DENND2A: variants seen among roughly 807,000 people sequenced by gnomAD.
DENND2A encodes the protein DENN domain containing 2A.
In DENND2A, 53 loss-of-function variants were observed where a neutral mutation model predicts 105.3. That is an observed-to-expected ratio of 0.50 (90% CI 0.40 to 0.63). The LOEUF (loss-of-function observed/expected upper bound fraction) is 0.63, where lower values mean the gene tolerates loss of function less well. Ranked by LOEUF, DENND2A falls within the 30% of genes least tolerant of loss-of-function variation. DENND2A has a pLI of 0.00. For missense variants in DENND2A, 1,138 were observed against 1,279.6 expected, an observed-to-expected ratio of 0.89 and a Z score of 1.69; for synonymous variants, 522 against 508.4, an observed-to-expected ratio of 1.03 and a Z score of -0.36.
intron 15 of DENND2A, among the ~76,000 whole-genome samples, chr7:140,526,611 G>A (rs867373707): frequency 4.6e-5 from 7 of 152,206 alleles, no homozygotes; most frequent in African/African-American, 1.7e-4. Flanking sequence ...GCACCCAGAC[G>A]AACTCCTGGC....
In DENND2A at chr7:140,567,290, G is replaced by C; in HGVS notation, c.1592-17C>G. On this transcript the variant is annotated splice_polypyrimidine_tract_variant and intron_variant, in intron 8 of 19. Coordinates refer to ENST00000496613, the MANE Select transcript of DENND2A (RefSeq NM_015689.5). Reference sequence around the variant, plus strand: ...GGCTGTGAGCTGGGTGAGGGAGGGAGAGAGAAAGAGAGAAAGAGAGAGAGA... The same window carrying C: ...GGCTGTGAGCTGGGTGAGGGAGGGACAGAGAAAGAGAGAAAGAGAGAGAGA... 8.6e-7 allele frequency: 1 copy of C among 1,160,900 alleles called. No homozygotes were observed. Among genetic ancestry groups the C allele is most frequent in the Non-Finnish European group, 1.2e-6 (1 of 859,920 alleles). 71.9% of individuals were successfully genotyped at this position (1,160,900 alleles called of 1,614,324 possible).
chr7:140,586,578 A>G (rs1004706299), intron 4 of DENND2A, among the ~76,000 whole-genome samples: 17 of 152,184 alleles, frequency 1.1e-4, no homozygotes, highest in Non-Finnish European at 1.9e-4. Flanking sequence ...ATAAAAAAGA[A>G]AGAAAGAAAA....
rs750538500 is a variant in DENND2A at position 140,559,766 on chromosome 7, T to G, written c.1831A>C (p.Ile611Leu). 6.2e-7 allele frequency: 1 copy of G among 1,614,178 alleles called. No individual in the cohort carries two copies. The highest frequency in any genetic ancestry group is 8.5e-7 in the Non-Finnish European group (1 of 1,180,014). ...GCATCGGGAAAACAGAACTGGGGAA[T>G]GGCCTTCAGTTGGTCCTCAGCTTCT... is the stretch of plus-strand genomic sequence containing the variant. ...MREAEDQLKA[I>L]PQFCFPDAKD... Residue 611 changes from isoleucine (I) to leucine (L), a missense_variant, in exon 10 of 20, where the codon ATT becomes CTT. By Grantham distance (5) the Ile-to-Leu change is conservative (BLOSUM62 2). Coordinates refer to ENST00000496613, the MANE Select transcript of DENND2A (RefSeq NM_015689.5). The surrounding 1 kb of genome is among the most constrained non-coding windows in gnomAD (Gnocchi z 4.1).
chr7:140,519,300 A>T (rs1795768791), intron 19 of DENND2A, among the ~76,000 whole-genome samples: 1 of 152,148 alleles, frequency 6.6e-6, no homozygotes, highest in Non-Finnish European at 1.5e-5. Flanking sequence ...CACCAGTGCG[A>T]GTCTTTCTTG....
At chr7:140,593,344 A>G (rs908945375) in intron 3 of DENND2A, among the ~76,000 whole-genome samples, 1 of 152,186 alleles carries the variant, frequency 6.6e-6, no homozygotes, top group African/African-American at 2.4e-5. Context: ...AGGTCCTCAA[A>G]TGATCGTTTG....
chr7:140,566,864 C>T lies in DENND2A; in HGVS notation c.1779+222G>A, dbSNP rs6951766. On this transcript the variant is annotated intron_variant, in intron 9 of 19. Coordinates refer to ENST00000496613, the MANE Select transcript of DENND2A (RefSeq NM_015689.5). Reference sequence around the variant, plus strand: ...ATGCATGGCTAATTTTTGTATTTGTCTGGCCAAACTTTTTAAGTCCCTGAA... The same window carrying T: ...ATGCATGGCTAATTTTTGTATTTGTTTGGCCAAACTTTTTAAGTCCCTGAA... Among the ~76,000 whole-genome samples, 983 of 151,834 alleles carry T rather than the reference C, an allele frequency of 6.5e-3. 16 individuals are homozygous for T. Among genetic ancestry groups the T allele is most frequent in the African/African-American group, 0.023 (938 of 41,398 alleles).
At chr7:140,628,956 AT>A (rs1800635308) in intron 1 of DENND2A, among the ~76,000 whole-genome samples, 1 of 152,228 alleles carries the variant, frequency 6.6e-6, no homozygotes, top group Admixed American at 6.5e-5. Context: ...ATACACAAGT[AT>A]AAAAAATGGT....
At chr7:140,612,165 T>C (rs1799923342) in intron 1 of DENND2A, among the ~76,000 whole-genome samples, 1 of 151,410 alleles carries the variant, frequency 6.6e-6, no homozygotes. Context: ...CGCTTGAACC[T>C]GGGAGGCGGA....
At chr7:140,612,156 G>C (rs776388788) in intron 1 of DENND2A, among the ~76,000 whole-genome samples, 1 of 151,690 alleles carries the variant, frequency 6.6e-6, no homozygotes, top group Admixed American at 6.6e-5. Flanking sequence ...CAAGATAATC[G>C]CTTGAACCTG....
intron 1 of DENND2A, among the ~76,000 whole-genome samples, chr7:140,633,059 T>C (rs1167982499): frequency 5.6e-5 from 8 of 143,612 alleles, no homozygotes; most frequent in Non-Finnish European, 1.2e-4. Flanking sequence ...GACAGAGTCT[T>C]GCGCTGCCGC....
intron 4 of DENND2A, 133 bp from the exon 5 acceptor site, chr7:140,585,843 G>C (rs370687047): frequency 7.7e-7 from 1 of 1,290,914 alleles, no homozygotes. Flanking sequence ...CCATCCATGC[G>C]CCCCTCCTGT....
At chr7:140,623,531 C>A (rs1011421815) in intron 1 of DENND2A, among the ~76,000 whole-genome samples, 1 of 151,474 alleles carries the variant, frequency 6.6e-6, no homozygotes, top group Non-Finnish European at 1.5e-5. Flanking sequence ...AGTTCGAGAC[C>A]AGCCTGGCCA....
At chr7:140,529,556 C>T (rs1018932160) in intron 14 of DENND2A, among the ~76,000 whole-genome samples, 1 of 152,088 alleles carries the variant, frequency 6.6e-6, no homozygotes, top group Non-Finnish European at 1.5e-5. Flanking sequence ...AAATGTCCAT[C>T]AATGATAGAC....
chr7:140,635,903 A>G (rs1800911235), intron 1 of DENND2A, among the ~76,000 whole-genome samples: 1 of 152,218 alleles, frequency 6.6e-6, no homozygotes, highest in Admixed American at 6.5e-5. Context: ...GCCAGGGTAA[A>G]GAAGAGTCTG....
At chr7:140,551,299 CAAAAA>C (rs529992901) in intron 12 of DENND2A, among the ~76,000 whole-genome samples, 17 of 71,728 alleles carry the variant, frequency 2.4e-4, no homozygotes, top group African/African-American at 8.8e-4. Flanking sequence ...GACTCCATCT[CAAAAA>C]AAAAAAAAAA....
intron 14 of DENND2A, 157 bp downstream of exon 14, chr7:140,544,460 GC>G (rs1796809211): frequency 1.1e-6 from 1 of 901,426 alleles, no homozygotes; most frequent in Admixed American, 2.0e-5. Flanking sequence ...CTCTCAAAGT[GC>G]TGAGATTACA....
chr7:140,557,531 A>ATATATATATT (rs1554467351), intron 11 of DENND2A, among the ~76,000 whole-genome samples: 2 of 39,660 alleles, frequency 5.0e-5, no homozygotes, highest in Non-Finnish European at 5.1e-5. Context: ...ATATATATAT[A>ATATATATATT]TTTTTTTTTT....
rs765059457 is a variant in DENND2A at position 140,585,580 on chromosome 7, G to T, written c.1245+9C>A. 6 of 1,614,012 alleles carry T rather than the reference G, an allele frequency of 3.7e-6. No individual in the cohort carries two copies. The highest frequency in any genetic ancestry group is 5.1e-6 in the Non-Finnish European group (6 of 1,180,004). On this transcript the variant is annotated intron_variant, in intron 5 of 19. Coordinates refer to ENST00000496613, the MANE Select transcript of DENND2A (RefSeq NM_015689.5). ...CCCTCTCCTGCCACCATTCCCAGGG[G>T]ACTCATACCTTGGTGAGTGTGTCAG...
chr7:140,601,356 TGAGA>T, intron 3 of DENND2A, 43 bp downstream of exon 3: 2 of 1,530,152 alleles, frequency 1.3e-6, no homozygotes, highest in Non-Finnish European at 1.8e-6. Flanking sequence ...CACAAACCAC[TGAGA>T]GAGTCAGGTG....
Sources: allele counts gnomAD v4.1 joint callset (sites outside exome capture counted in the v4.1 genomes callset), GRCh38; gene constraint gnomAD v4.1.1; non-coding constraint Gnocchi (gnomAD v3.1); transcripts MANE v1.5; gene names NCBI Gene and HGNC (gene_info 2026-07-23, HGNC 2026-07-21).